Variants in WWOX observed in about 807,000 individuals in gnomAD.
The protein encoded by WWOX is WW domain-containing oxidoreductase.
In WWOX, 69 loss-of-function variants were observed where a neutral mutation model predicts 46.2. That is an observed-to-expected ratio of 1.49 (90% confidence interval 1.23 to 1.82). The LOEUF (loss-of-function observed/expected upper bound fraction) is 1.82. WWOX is among the 40% of genes most tolerant of loss of function. The pLI is 0.00. For synonymous variants in WWOX, 359 were observed against 202.6 expected, an observed-to-expected ratio of 1.77 and a Z score of -6.56; for missense variants, 919 against 542.6, an observed-to-expected ratio of 1.69 and a Z score of -6.89.
chr16:78,911,940 G>A (rs1313792347), intron 8 of WWOX, among the ~76,000 whole-genome samples: 1 of 152,024 alleles, frequency 6.6e-6, no homozygotes, highest in Non-Finnish European at 1.5e-5. Context: ...CATGGATGCT[G>A]CTTGTTATAA....
At chr16:79,132,393 C>G (rs146452255) in intron 8 of WWOX, among the ~76,000 whole-genome samples, 1 of 152,138 alleles carries the variant, frequency 6.6e-6, no homozygotes, top group South Asian at 2.1e-4. Flanking sequence ...CTTTGTCTAA[C>G]GCTTCATGAG....
chr16:78,943,806 A>G (rs147758507), intron 8 of WWOX, among the ~76,000 whole-genome samples: 18 of 152,242 alleles, frequency 1.2e-4, no homozygotes, highest in East Asian at 1.2e-3. Flanking sequence ...CCCACCGCAC[A>G]TCACTGTTTG....
chr16:78,920,428 C>T lies in WWOX; in HGVS notation c.1057-291180C>T, dbSNP rs374541398. The stretch of plus-strand genomic sequence containing the variant: ...GTCTTGCTGTCCCAAGTCCTAAGGT[C>T]CCAGCCACCTATGGTTCTTTGGACC... On this transcript the variant is annotated intron_variant, in intron 8 of 8. Transcript: ENST00000566780. Among the ~76,000 whole-genome samples the T allele has an allele frequency of 8.5e-5, 13 of 152,158 alleles. No individual in the cohort carries two copies. The East Asian group carries it at 1.2e-3, about 14-fold the overall frequency.
intron 8 of WWOX, among the ~76,000 whole-genome samples, chr16:78,578,284 A>ATTTTTTTTTTTTTT (rs1172203878): frequency 9.6e-5 from 2 of 20,838 alleles, no homozygotes; most frequent in African/African-American, 2.3e-4. Context: ...ATATATATAT[A>ATTTTTTTTTTTTTT]TTTTTTTTTT....
intron 5 of WWOX, among the ~76,000 whole-genome samples, chr16:78,292,661 A>G (rs768027366): frequency 1.3e-5 from 2 of 152,120 alleles, no homozygotes; most frequent in Non-Finnish European, 2.9e-5. Flanking sequence ...CTCTTCCTAA[A>G]TTTATTTACA....
At chr16:78,450,917 T>C (rs1355336432) in intron 8 of WWOX, among the ~76,000 whole-genome samples, 1 of 152,236 alleles carries the variant, frequency 6.6e-6, no homozygotes, top group African/African-American at 2.4e-5. Flanking sequence ...TACAATTTTC[T>C]TCTGCTTTTT....
intron 8 of WWOX, among the ~76,000 whole-genome samples, chr16:78,915,579 C>T (rs2045229783): frequency 6.6e-6 from 1 of 152,110 alleles, no homozygotes; most frequent in Non-Finnish European, 1.5e-5. Context: ...TGAAAAATTG[C>T]ACTGTGACAT....
At chr16:78,144,477 A>ATG in intron 4 of WWOX, among the ~76,000 whole-genome samples, 1 of 41,260 alleles carries the variant, frequency 2.4e-5, no homozygotes, top group Admixed American at 3.6e-4. Flanking sequence ...ACATATATAT[A>ATG]TATATATATA....
chr16:78,745,667 C>T (rs761220356), intron 8 of WWOX, among the ~76,000 whole-genome samples: 2 of 151,364 alleles, frequency 1.3e-5, no homozygotes, highest in African/African-American at 2.4e-5. Flanking sequence ...TGTTTTTCAG[C>T]ACATAAATTT....
intron 3 of WWOX, among the ~76,000 whole-genome samples, chr16:78,113,773 A>G (rs1271383313): frequency 6.6e-6 from 1 of 152,180 alleles, no homozygotes; most frequent in East Asian, 1.9e-4. Flanking sequence ...TCTAGCATAG[A>G]ACTGCTCTGT....
At chr16:78,601,874 G>A (rs1033842414) in intron 8 of WWOX, among the ~76,000 whole-genome samples, 2 of 152,006 alleles carry the variant, frequency 1.3e-5, no homozygotes, top group African/African-American at 4.8e-5. Context: ...TTTCAGCCCT[G>A]TTTTAAGTGC....
chr16:78,471,100 T>C (rs938149869), intron 8 of WWOX, among the ~76,000 whole-genome samples: 4 of 152,192 alleles, frequency 2.6e-5, no homozygotes, highest in African/African-American at 9.6e-5. Context: ...GCCTTAGCGG[T>C]TTTCTTGCTT....
At chr16:78,486,286 A>T (rs953970171) in intron 8 of WWOX, among the ~76,000 whole-genome samples, 4 of 152,244 alleles carry the variant, frequency 2.6e-5, no homozygotes, top group African/African-American at 9.6e-5. Flanking sequence ...TTATGTATGT[A>T]AAGTATTTGC....
rs150958081 is a variant in WWOX, at chr16:79,082,000, C to T, written c.1057-129608C>T. Among the ~76,000 whole-genome samples, 226 of 152,266 alleles carry T rather than the reference C, an allele frequency of 1.5e-3. 1 individual carries two copies. Among genetic ancestry groups the T allele is most frequent in the African/African-American group, 5.1e-3 (213 of 41,564 alleles). ...CATACGCCAGAACCAGAAGACCACT[C>T]GTGAGAAATTCTGTAAGCACAGGAG... On this transcript the variant is annotated intron_variant, in intron 8 of 8. Transcript: ENST00000566780.
At chr16:78,330,009 C>T (rs944204493) in intron 5 of WWOX, among the ~76,000 whole-genome samples, 1 of 152,118 alleles carries the variant, frequency 6.6e-6, no homozygotes, top group African/African-American at 2.4e-5. Context: ...CCAGCCTTGT[C>T]CTCCCAAAGT....
chr16:78,409,614 A>G (rs1388823102), intron 6 of WWOX, among the ~76,000 whole-genome samples: 1 of 152,198 alleles, frequency 6.6e-6, no homozygotes. Context: ...CTGTTGTAAT[A>G]AATTACCACA....
chr16:78,915,174 C>T (rs930182502), intron 8 of WWOX, among the ~76,000 whole-genome samples: 6 of 152,114 alleles, frequency 3.9e-5, no homozygotes, highest in Admixed American at 6.5e-5. Flanking sequence ...ATGTGCCTCC[C>T]CATTCACTCC....
chr16:78,179,354 T>G (rs1252819602), intron 5 of WWOX, among the ~76,000 whole-genome samples: 1 of 152,192 alleles, frequency 6.6e-6, no homozygotes, highest in Non-Finnish European at 1.5e-5. Flanking sequence ...TATATTGTGG[T>G]TGTGAAAAGG....
chr16:78,373,856 C>T (rs1048490617), intron 5 of WWOX, among the ~76,000 whole-genome samples: 27 of 152,126 alleles, frequency 1.8e-4, no homozygotes, highest in Admixed American at 6.5e-4. Flanking sequence ...GGCTTGATCT[C>T]GGCTCACTGC....
Sources: allele counts gnomAD v4.1 joint callset (sites outside exome capture counted in the v4.1 genomes callset), GRCh38; gene constraint gnomAD v4.1.1; transcripts MANE v1.5; gene names NCBI Gene and HGNC (gene_info 2026-07-23, HGNC 2026-07-21).